EPHA3: variants seen among roughly 807,000 people sequenced by gnomAD.
The protein encoded by EPHA3 is ephrin type-A receptor 3.
Under a neutral mutation model 107.1 loss-of-function variants are expected in EPHA3, and 42 were observed. The ratio of observed to expected loss-of-function variants is 0.39; its 90% CI spans 0.31 to 0.51. EPHA3 has a LOEUF of 0.51. Ranked by LOEUF, EPHA3 falls within the 20% of genes least tolerant of loss-of-function variation. The probability of loss-of-function intolerance (pLI) is 0.78; values close to 1 mark genes in which losing one functional copy is unlikely to be tolerated. For synonymous variants in EPHA3, 461 were observed against 424.8 expected, an observed-to-expected ratio of 1.09 and a Z score of -1.05; for missense variants, 1,183 against 1,211.2, an observed-to-expected ratio of 0.98 and a Z score of 0.35.
chr3:89,447,030 A>G (rs1709889290), intron 13 of EPHA3, among the ~76,000 whole-genome samples: 1 of 152,190 alleles, frequency 6.6e-6, no homozygotes, highest in Non-Finnish European at 1.5e-5. Context: ...TCCATTTGGC[A>G]TCCTGAGTAG....
At chr3:89,189,587 G>A (rs563682766) in intron 2 of EPHA3, among the ~76,000 whole-genome samples, 2 of 152,092 alleles carry the variant, frequency 1.3e-5, no homozygotes, top group Non-Finnish European at 2.9e-5. Context: ...GCAAGACTTC[G>A]TCTCAAAACA....
chr3:89,278,355 T>C (rs1243209181), intron 3 of EPHA3, among the ~76,000 whole-genome samples: 2 of 152,166 alleles, frequency 1.3e-5, no homozygotes, highest in African/African-American at 4.8e-5. Context: ...GAAGCTTGGC[T>C]CTTCCAGGTA....
intron 3 of EPHA3, among the ~76,000 whole-genome samples, chr3:89,217,571 G>A (rs1169123254): frequency 6.6e-6 from 1 of 152,056 alleles, no homozygotes; most frequent in Non-Finnish European, 1.5e-5. Context: ...TTCCAAAGGC[G>A]AGTCATTGAG....
intron 3 of EPHA3, among the ~76,000 whole-genome samples, chr3:89,324,227 A>G (rs1707113225): frequency 7.1e-6 from 1 of 141,138 alleles, no homozygotes. Context: ...GAGTACAGTG[A>G]TGCAATCTTG....
At chr3:89,234,943 C>G (rs1704722022) in intron 3 of EPHA3, among the ~76,000 whole-genome samples, 1 of 143,432 alleles carries the variant, frequency 7.0e-6, no homozygotes, top group Admixed American at 7.0e-5. Flanking sequence ...CTTCCTCCCT[C>G]TCTCCCTCCC....
chr3:89,128,233 G>A (rs1046814860), intron 2 of EPHA3, among the ~76,000 whole-genome samples: 18 of 152,162 alleles, frequency 1.2e-4, no homozygotes, highest in South Asian at 2.1e-4. Context: ...CTTCACCAGC[G>A]GATGTTTTCC....
At chr3:89,196,368 A>G (rs956508830) in intron 2 of EPHA3, among the ~76,000 whole-genome samples, 1 of 152,048 alleles carries the variant, frequency 6.6e-6, no homozygotes, top group African/African-American at 2.4e-5. Flanking sequence ...TTTAACACTT[A>G]ATTTTGTTTT....
At chr3:89,357,469 C>T (rs1707992004) in intron 5 of EPHA3, among the ~76,000 whole-genome samples, 3 of 150,910 alleles carry the variant, frequency 2.0e-5, no homozygotes, top group East Asian at 3.9e-4. Context: ...ATTTTTGCAT[C>T]TTTACTTTTA....
intron 16 of EPHA3, among the ~76,000 whole-genome samples, chr3:89,476,421 G>A (rs1445209161): frequency 6.8e-6 from 1 of 148,048 alleles, no homozygotes; most frequent in African/African-American, 2.5e-5. Context: ...AGTTCAGAAG[G>A]AAGATCAGGG....
chr3:89,355,099 A>G (rs1707914634), intron 5 of EPHA3, among the ~76,000 whole-genome samples: 1 of 150,312 alleles, frequency 6.7e-6, no homozygotes, highest in Non-Finnish European at 1.5e-5. Flanking sequence ...ATTGGAAAAA[A>G]AATAATTATA....
chr3:89,354,397 T>A (rs1707900424), intron 5 of EPHA3, among the ~76,000 whole-genome samples: 2 of 151,222 alleles, frequency 1.3e-5, no homozygotes, highest in Non-Finnish European at 3.0e-5. Context: ...AAGTGTTATC[T>A]CAGTGTGAAT....
chr3:89,441,554 C>T (rs1186523511), intron 13 of EPHA3, among the ~76,000 whole-genome samples: 1 of 152,118 alleles, frequency 6.6e-6, no homozygotes, highest in Non-Finnish European at 1.5e-5. Flanking sequence ...TTATAATATT[C>T]TAAATGCCTA....
At chr3:89,373,934 C>T (rs1708353196) in intron 5 of EPHA3, among the ~76,000 whole-genome samples, 1 of 151,676 alleles carries the variant, frequency 6.6e-6, no homozygotes, top group Admixed American at 6.6e-5. Flanking sequence ...CAAATAGAGT[C>T]CATTTGGTCT....
chr3:89,267,438 T>G (rs1046050742), intron 3 of EPHA3, among the ~76,000 whole-genome samples: 7 of 152,232 alleles, frequency 4.6e-5, no homozygotes, highest in African/African-American at 1.4e-4. Context: ...GAAACTTGAT[T>G]TATTTTGTCT....
At chr3:89,127,430 T>C (rs913153718) in intron 2 of EPHA3, among the ~76,000 whole-genome samples, 157 bp downstream of exon 2, 2 of 152,020 alleles carry the variant, frequency 1.3e-5, no homozygotes, top group Non-Finnish European at 2.9e-5. Flanking sequence ...AGCTTGACAT[T>C]TGTGTCCAAT....
intron 5 of EPHA3, among the ~76,000 whole-genome samples, chr3:89,389,290 GA>G (rs1346031498): frequency 1.3e-5 from 2 of 152,266 alleles, no homozygotes; most frequent in Admixed American, 6.5e-5. Context: ...AAAAAACTGA[GA>G]AGGAAATGTT....
At chr3:89,337,177 C>T (rs1488169968) in intron 3 of EPHA3, among the ~76,000 whole-genome samples, 1 of 152,052 alleles carries the variant, frequency 6.6e-6, no homozygotes, top group East Asian at 1.9e-4. Flanking sequence ...CAAAGTCTTG[C>T]AATTTTTAAT....
chr3:89,345,807 C>A (rs1196666275), intron 5 of EPHA3, among the ~76,000 whole-genome samples: 1 of 130,454 alleles, frequency 7.7e-6, no homozygotes, highest in African/African-American at 2.8e-5. Flanking sequence ...TGATATTCCC[C>A]TTCCTGTGTC....
At chr3:89,337,292 T>C (rs1172864018) in intron 3 of EPHA3, among the ~76,000 whole-genome samples, 3 of 152,200 alleles carry the variant, frequency 2.0e-5, no homozygotes, top group Non-Finnish European at 4.4e-5. Flanking sequence ...CAATGATTGA[T>C]TTTTATAAAA....
Sources: gnomAD v4.1 joint callset for allele counts (sites outside exome capture counted in the v4.1 genomes callset) on GRCh38, gnomAD v4.1.1 for gene constraint, MANE v1.5 for transcripts, NCBI Gene and HGNC (gene_info 2026-07-23, HGNC 2026-07-21) for gene names.